Variants in IL20RA observed in about 807,000 individuals in gnomAD.
IL20RA encodes the protein interleukin 20 receptor subunit alpha.
IL20RA carries 29 observed loss-of-function variants against 36.5 expected under a neutral mutation model. The ratio of observed to expected loss-of-function variants is 0.79; its 90% confidence interval spans 0.59 to 1.08. The LOEUF (loss-of-function observed/expected upper bound fraction) is 1.08. IL20RA is among the 50% of genes least tolerant of loss of function. The pLI, the probability that IL20RA is intolerant of heterozygous loss-of-function variation, is 0.00. For missense variants in IL20RA, 652 were observed against 668.4 expected (o/e 0.98, Z 0.27); for synonymous variants, 279 against 267.1 (o/e 1.04, Z -0.43).
intron 2 of IL20RA, among the ~76,000 whole-genome samples, chr6:137,015,717 G>C (rs1327394815): frequency 6.6e-6 from 1 of 152,102 alleles, no homozygotes; most frequent in Non-Finnish European, 1.5e-5. Flanking sequence ...GAGAGCAGTG[G>C]CATGATCTCA....
Position 137,022,314 on chromosome 6 carries a change from G to A in IL20RA, c.89-5211C>T, listed in dbSNP as rs371146255. 4.6e-3 allele frequency among the ~76,000 whole-genome samples: 695 copies of A among 152,282 alleles called. 6 individuals are homozygous for A. The highest frequency in any genetic ancestry group is 0.016 in the African/African-American group (671 of 41,572). Reference sequence around the variant, plus strand: ...TCCTCCTCTTTTGACACGTTCTCCAGATGATATGGTGACCACGAAGGTAGG... The same window carrying A: ...TCCTCCTCTTTTGACACGTTCTCCAAATGATATGGTGACCACGAAGGTAGG... On this transcript the variant is annotated intron_variant, in intron 1 of 6. Coordinates refer to ENST00000316649, the MANE Select transcript of IL20RA (RefSeq NM_014432.4).
Position 137,037,286 on chromosome 6 carries a change from G to A in IL20RA, c.88+7355C>T, listed in dbSNP as rs555127581. On this transcript the variant is annotated intron_variant, in intron 1 of 6. Coordinates refer to ENST00000316649, the MANE Select transcript of IL20RA (RefSeq NM_014432.4). Reference sequence around the variant, plus strand: ...TTGGTGGTGCAAAGTGTAATGCAGCGATTGCTACCCTCAAAAAACAGACCC... The same window carrying A: ...TTGGTGGTGCAAAGTGTAATGCAGCAATTGCTACCCTCAAAAAACAGACCC... Among the ~76,000 whole-genome samples, 6 of 152,178 alleles carry A rather than the reference G, an allele frequency of 3.9e-5. No homozygotes were observed. The East Asian group carries it at 5.8e-4, about 15-fold the overall frequency.
At chr6:137,002,621 C>T (rs1775120304) in intron 6 of IL20RA, among the ~76,000 whole-genome samples, 2 of 152,212 alleles carry the variant, frequency 1.3e-5, no homozygotes, top group Admixed American at 6.5e-5. Context: ...GGCGTTGGTG[C>T]CCCCTCTTCT....
intron 6 of IL20RA, among the ~76,000 whole-genome samples, chr6:137,003,013 G>A (rs1240453627): frequency 6.6e-6 from 1 of 152,112 alleles, no homozygotes; most frequent in Non-Finnish European, 1.5e-5. Flanking sequence ...ATATTGCTGT[G>A]GGTACCATGA....
At chr6:137,030,837 A>T (rs1776251843) in intron 1 of IL20RA, among the ~76,000 whole-genome samples, 1 of 152,182 alleles carries the variant, frequency 6.6e-6, no homozygotes, top group African/African-American at 2.4e-5. Context: ...ACTCAGACGT[A>T]GTAACTTTTC....
chr6:137,039,694 T>A (rs1470903367), intron 1 of IL20RA, among the ~76,000 whole-genome samples: 1 of 152,042 alleles, frequency 6.6e-6, no homozygotes, highest in Non-Finnish European at 1.5e-5. Context: ...ACATTTATAG[T>A]GTAATGGGAA....
chr6:137,002,960 G>C (rs112933079), intron 6 of IL20RA, among the ~76,000 whole-genome samples: 23 of 152,290 alleles, frequency 1.5e-4, no homozygotes, highest in African/African-American at 5.1e-4. Context: ...ACGGTAGACA[G>C]AGAAACTCTA....
Position 137,039,444 on chromosome 6 carries a change from AAAG to A in IL20RA, c.88+5194_88+5196del, listed in dbSNP as rs576390259. ...GAAGGGCAATAGGAGAGAGGCTGGA[AAAG>A]AAGACATGCTTTTTTGATAAAAAGA... is the stretch of plus-strand genomic sequence containing the variant. On this transcript the variant is annotated intron_variant, in intron 1 of 6. Coordinates refer to ENST00000316649, the MANE Select transcript of IL20RA (RefSeq NM_014432.4). Among the ~76,000 whole-genome samples, 404 of 152,330 alleles carry A rather than the reference AAAG, an allele frequency of 2.7e-3. 1 individual carries two copies. Among genetic ancestry groups the A allele is most frequent in the African/African-American group, 9.3e-3 (385 of 41,572 alleles).
At chr6:137,029,855 A>G (rs983639165) in intron 1 of IL20RA, among the ~76,000 whole-genome samples, 2 of 152,060 alleles carry the variant, frequency 1.3e-5, no homozygotes, top group African/African-American at 4.8e-5. Flanking sequence ...AGGCAATGCA[A>G]TTCTTCCACT....
At position 137,001,449 on chromosome 6, in the gene IL20RA, A is replaced by T; in HGVS notation, c.*109T>A. 1.1e-6 allele frequency: 1 copy of T among 921,918 alleles called. No individual in the cohort carries two copies. The highest frequency in any genetic ancestry group is 1.8e-5 in the South Asian group (1 of 56,360). 57.1% of individuals were successfully genotyped at this position (921,918 alleles called of 1,614,324 possible). A position where few individuals can be genotyped will look rare whatever the true frequency, so the allele number is the denominator to read the frequency against. On this transcript the variant is annotated 3_prime_UTR_variant, in exon 7 of 7. Coordinates refer to ENST00000316649, the MANE Select transcript of IL20RA (RefSeq NM_014432.4). ...AAAGAAATAAGTAATTCTCACAGAC[A>T]CTGACAAACTGGAAAAAACTTCTTT...
chr6:137,017,045 G>A lies in IL20RA; in HGVS notation c.147C>T (p.Asn49=), dbSNP rs1229133791. The A allele has an allele frequency of 3.1e-6, 5 of 1,612,630 alleles. No homozygotes were observed. In the African/African-American group the frequency reaches 4.0e-5, roughly 13 times the overall value. Residue 49 remains asparagine, a synonymous_variant, in exon 2 of 7, where the codon AAC becomes AAT. Transcript: ENST00000316649. ...GAGTCCATTGTAGGACATTCTTCAT[G>A]TTGATGGATAAGAAGGTGATGTTTG... ...KPANITFLSI[N]MKNVLQWTPP...
Position 137,044,759 on chromosome 6 carries a change from G to A in IL20RA, c.-31C>T, listed in dbSNP as rs940252489. 7 of 1,211,232 alleles carry A rather than the reference G, an allele frequency of 5.8e-6. No individual in the cohort carries two copies. The African/African-American group carries it at 9.5e-5, about 16-fold the overall frequency. 75.0% of individuals were successfully genotyped at this position (1,211,232 alleles called of 1,614,324 possible). A position where few individuals can be genotyped will look rare whatever the true frequency, so the allele number is the denominator to read the frequency against. ...GCGGGGCTGGGTCACATGTCGGGGG[G>A]CAGCAGACTGCTCAGTCCCACGCCC... On this transcript the variant is annotated 5_prime_UTR_variant, in exon 1 of 7. Transcript: ENST00000316649.
rs764784961 is a variant in IL20RA, at chr6:137,008,779, G to C, written c.580-36C>G. The C allele has an allele frequency of 1.2e-5, 17 of 1,453,518 alleles. No homozygotes were observed. In the Admixed American group the frequency reaches 3.6e-4, roughly 31 times the overall value. 90.0% of individuals were successfully genotyped at this position (1,453,518 alleles called of 1,614,324 possible). On this transcript the variant is annotated intron_variant, in intron 4 of 6. Coordinates refer to ENST00000316649, the MANE Select transcript of IL20RA (RefSeq NM_014432.4). ...GAATTGCAAACATTGGTTAGAGCCAGACATTTCTGGGACCACCCCAGACAA... is the reference window on the plus strand; with the variant it reads ...GAATTGCAAACATTGGTTAGAGCCACACATTTCTGGGACCACCCCAGACAA...
intron 2 of IL20RA, among the ~76,000 whole-genome samples, chr6:137,015,771 C>T (rs752809034): frequency 6.6e-6 from 1 of 152,140 alleles, no homozygotes; most frequent in African/African-American, 2.4e-5. Flanking sequence ...ATCCTCCCAC[C>T]TCAGCATCCC....
intron 1 of IL20RA, among the ~76,000 whole-genome samples, chr6:137,024,841 G>A (rs1776030287): frequency 6.6e-6 from 1 of 152,152 alleles, no homozygotes. Context: ...GAGCAATCCT[G>A]ACCACAGACA....
intron 1 of IL20RA, among the ~76,000 whole-genome samples, chr6:137,036,600 G>A (rs1176440458): frequency 1.3e-5 from 2 of 152,092 alleles, no homozygotes; most frequent in Non-Finnish European, 2.9e-5. Context: ...TACAAGCCAA[G>A]GGGTGCCTAA....
At chr6:137,039,181 A>G (rs564921757) in intron 1 of IL20RA, among the ~76,000 whole-genome samples, 2 of 152,288 alleles carry the variant, frequency 1.3e-5, no homozygotes, top group East Asian at 1.9e-4. Context: ...TGGGTAACCA[A>G]TCTCCTTGGC....
At position 137,021,756 on chromosome 6, in the gene IL20RA, A is replaced by G. The variant is rs372452341; in HGVS notation, c.89-4653T>C. On this transcript the variant is annotated intron_variant, in intron 1 of 6. Transcript: ENST00000316649. ...AATAATAAATATTGTGAAAGCCTTT[A>G]TATGTTAAAATGTATTTAGTCGATA... Among the ~76,000 whole-genome samples the G allele has an allele frequency of 2.0e-4, 30 of 152,326 alleles. 2 individuals carry two copies. Among genetic ancestry groups the G allele is most frequent in the East Asian group, 7.7e-4 (4 of 5,190 alleles).
At position 137,009,509 on chromosome 6, in the gene IL20RA, G is replaced by A; in HGVS notation, c.404-17C>T. The A allele has an allele frequency of 6.5e-7, 1 of 1,545,806 alleles. No individual in the cohort carries two copies. The highest frequency in any genetic ancestry group is 1.1e-5 in the South Asian group (1 of 89,626). ...CAATTTGTGCTTAAAGGGGGAGAAAGAGGGTATTATCATGTTCAGATGAAA... is the reference window on the plus strand; with the variant it reads ...CAATTTGTGCTTAAAGGGGGAGAAAAAGGGTATTATCATGTTCAGATGAAA... On this transcript the variant is annotated splice_polypyrimidine_tract_variant and intron_variant, in intron 3 of 6. Coordinates refer to ENST00000316649, the MANE Select transcript of IL20RA (RefSeq NM_014432.4).
Sources: allele counts gnomAD v4.1 joint callset (sites outside exome capture counted in the v4.1 genomes callset), GRCh38; gene constraint gnomAD v4.1.1; transcripts MANE v1.5; gene names NCBI Gene and HGNC (gene_info 2026-07-23, HGNC 2026-07-21).